The following LUC7L2 variants were observed in gnomAD, a reference collection of about 807,000 sequenced individuals.
LUC7L2 encodes LUC7 like 2, pre-mRNA splicing factor.
Under a neutral mutation model 52.8 loss-of-function variants are expected in LUC7L2, and 25 were observed. That is an observed-to-expected ratio of 0.47 (90% CI 0.34 to 0.66). LUC7L2 has a LOEUF of 0.66. Among genes scored for constraint, LUC7L2 ranks in the 30% least tolerant of loss-of-function variants. The probability of loss-of-function intolerance (pLI) is 0.01; values close to 1 mark genes in which losing one functional copy is unlikely to be tolerated. For synonymous variants in LUC7L2, 144 were observed against 160.9 expected (o/e 0.89, Z 0.80); for missense variants, 328 against 497.8 (o/e 0.66, Z 3.25).
chr7:139,374,708 A>T, intron 1 of LUC7L2: 1 of 1,323,498 alleles, frequency 7.6e-7, no homozygotes, highest in South Asian at 2.2e-5. Flanking sequence ...AAAATTTTAT[A>T]TACCCTGGTT....
rs369130160 is a variant in LUC7L2 at position 139,394,094 on chromosome 7, TAAG to T, written c.157-4501_157-4499del. 4.8e-4 allele frequency among the ~76,000 whole-genome samples: 73 copies of T among 152,058 alleles called. 1 individual carries two copies. Among genetic ancestry groups the T allele is most frequent in the African/African-American group, 1.6e-3 (66 of 41,470 alleles). ...AAAAAGAAGAATAGCTCAAAACACT[TAAG>T]AAGGTAAGGAGTCCAAGCAAAAGAG... On this transcript the variant is annotated intron_variant, in intron 2 of 9. Transcript: ENST00000354926.
chr7:139,363,106 T>G (rs1585075470), intron 1 of LUC7L2: 1 of 457,038 alleles, frequency 2.2e-6, no homozygotes, highest in Non-Finnish European at 2.9e-6. Context: ...TGCCAGGAGG[T>G]GGGAGAGAAA....
chr7:139,360,360 A>C, intron 1 of LUC7L2, 38 bp downstream of exon 1: 2 of 1,525,424 alleles, frequency 1.3e-6, no homozygotes, highest in Non-Finnish European at 1.8e-6. Flanking sequence ...GGGGGAGGGG[A>C]CGGGGACGGC....
chr7:139,420,227 AG>A (rs1204762948), intron 9 of LUC7L2, among the ~76,000 whole-genome samples: 1 of 151,924 alleles, frequency 6.6e-6, no homozygotes, highest in Non-Finnish European at 1.5e-5. Flanking sequence ...TTTTGAGACG[AG>A]AGTCTCGTTC....
intron 1 of LUC7L2, among the ~76,000 whole-genome samples, chr7:139,372,662 G>A (rs181757287): frequency 6.6e-5 from 10 of 151,884 alleles, no homozygotes; most frequent in African/African-American, 1.5e-4. Flanking sequence ...ATCCTCGGCC[G>A]GGTGCAGTGG....
At chr7:139,374,349 G>C in intron 1 of LUC7L2, 2 of 1,351,174 alleles carry the variant, frequency 1.5e-6, no homozygotes, top group Non-Finnish European at 2.1e-6. Flanking sequence ...ATTGCTGGCA[G>C]AGTTTATTCT....
rs758631750 is a variant in LUC7L2 at position 139,409,552 on chromosome 7, C to T, written c.688-11C>T. The T allele has an allele frequency of 2.5e-6, 4 of 1,599,946 alleles. No homozygotes were observed. In the South Asian group the frequency reaches 4.5e-5, roughly 18 times the overall value. On this transcript the variant is annotated splice_polypyrimidine_tract_variant and intron_variant, in intron 6 of 9. Transcript: ENST00000354926. ...CAGTAAATATTCTCCTCATTTATTACTGTTTTTAAGAGAGTCGTAGCTGAG... is the reference window on the plus strand; with the variant it reads ...CAGTAAATATTCTCCTCATTTATTATTGTTTTTAAGAGAGTCGTAGCTGAG...
At chr7:139,363,360 G>A in intron 1 of LUC7L2, 1 of 517,618 alleles carries the variant, frequency 1.9e-6, no homozygotes, top group Non-Finnish European at 2.5e-6. Flanking sequence ...GGATTTTTCT[G>A]ATAAGGCATC....
At chr7:139,357,743 G>A (rs1799649474), upstream of LUC7L2, among the ~76,000 whole-genome samples, 1 of 150,834 alleles carries the variant, frequency 6.6e-6, no homozygotes, top group Non-Finnish European at 1.5e-5. Flanking sequence ...CAGGGCTGGA[G>A]TGCAATGGCG....
chr7:139,383,480 C>T (rs962300463), intron 2 of LUC7L2, among the ~76,000 whole-genome samples: 8 of 151,346 alleles, frequency 5.3e-5, no homozygotes, highest in Non-Finnish European at 1.2e-4. Flanking sequence ...GGCGCGATCT[C>T]GGCTCACTTC....
chr7:139,414,489 A>C (rs752245742), intron 8 of LUC7L2, among the ~76,000 whole-genome samples: 8 of 152,286 alleles, frequency 5.3e-5, no homozygotes, highest in Non-Finnish European at 1.0e-4. Context: ...CAAGCTTGGC[A>C]TAGCCCAAAC....
intron 2 of LUC7L2, among the ~76,000 whole-genome samples, chr7:139,378,427 T>G (rs1800828047): frequency 6.6e-6 from 1 of 151,696 alleles, no homozygotes; most frequent in Admixed American, 6.6e-5. Flanking sequence ...AAAAAAAAAT[T>G]AGCCTGGCAT....
chr7:139,379,555 T>C (rs1224761988), intron 2 of LUC7L2, among the ~76,000 whole-genome samples: 4 of 42,818 alleles, frequency 9.3e-5, no homozygotes, highest in Non-Finnish European at 1.8e-4. Flanking sequence ...AATGCTTTTT[T>C]TTTTTTTTTT....
intron 3 of LUC7L2, among the ~76,000 whole-genome samples, chr7:139,399,851 A>G (rs183684915): frequency 6.6e-6 from 1 of 152,296 alleles, no homozygotes; most frequent in East Asian, 1.9e-4. Context: ...AAAGCCTGAA[A>G]TGTAACTTTA....
rs1296623886 is a variant in LUC7L2 at position 139,386,571 on chromosome 7, AT to A, written c.156+10424del. 1.0e-4 allele frequency among the ~76,000 whole-genome samples: 14 copies of A among 140,598 alleles called. No homozygotes were observed. In the South Asian group the frequency reaches 2.2e-3, roughly 22 times the overall value. The allele number at this position is 140,598 out of a possible 152,430, so 92.2% of individuals were successfully genotyped here. On this transcript the variant is annotated intron_variant, in intron 2 of 9. Coordinates refer to ENST00000354926, the MANE Select transcript of LUC7L2 (RefSeq NM_016019.5). ...AGGCGCCTGCCACCACACCTGGCTA[AT>A]TTTTTTTTCGTATTTTTAGTAGAGA...
Position 139,360,034 on chromosome 7 carries a change from G to A in LUC7L2, c.-228G>A, listed in dbSNP as rs1040757442. The stretch of plus-strand genomic sequence containing the variant: ...TCCCAAGAACCGGACGGAGAGTGAG[G>A]GCACGAGGGTCGCTGTCGGGGGCTG... On this transcript the variant is annotated 5_prime_UTR_variant, in exon 1 of 10. Transcript: ENST00000354926. The A allele has an allele frequency of 1.9e-6, 1 of 532,708 alleles. No homozygotes were observed. The highest frequency in any genetic ancestry group is 3.5e-5 in the East Asian group (1 of 28,858). The allele number at this position is 532,708 out of a possible 1,614,324, so 33.0% of individuals were successfully genotyped here.
chr7:139,423,104 C>T lies in LUC7L2; in HGVS notation c.*764C>T, dbSNP rs1795967256. On this transcript the variant is annotated 3_prime_UTR_variant, in exon 10 of 10. Coordinates refer to ENST00000354926, the MANE Select transcript of LUC7L2 (RefSeq NM_016019.5). ...TTGTGTGTGTGGAGTATAAAGGCTA[C>T]ACCCTTATTGTAAAAAAATAATAAT... The T allele has an allele frequency of 2.5e-6, 1 of 398,814 alleles. No individual in the cohort carries two copies. The highest frequency in any genetic ancestry group is 1.3e-4 in the South Asian group (1 of 7,866). The allele number at this position is 398,814 out of a possible 1,614,324, so 24.7% of individuals were successfully genotyped here. A position where few individuals can be genotyped will look rare whatever the true frequency, so the allele number is the denominator to read the frequency against.
At chr7:139,367,428 C>T (rs1038618285) in intron 1 of LUC7L2, among the ~76,000 whole-genome samples, 4 of 152,160 alleles carry the variant, frequency 2.6e-5, no homozygotes, top group Non-Finnish European at 5.9e-5. Context: ...TAACTAGACT[C>T]TTGTCACTTA....
intron 2 of LUC7L2, among the ~76,000 whole-genome samples, chr7:139,376,992 A>G (rs952257051): frequency 3.3e-5 from 5 of 152,200 alleles, no homozygotes; most frequent in Admixed American, 6.5e-5. Context: ...ACATGCCCCA[A>G]AGAGAGATGT....
Sources: gnomAD v4.1 joint callset for allele counts (sites outside exome capture counted in the v4.1 genomes callset) on GRCh38, gnomAD v4.1.1 for gene constraint, MANE v1.5 for transcripts, NCBI Gene and HGNC (gene_info 2026-07-23, HGNC 2026-07-21) for gene names.